Variants in UBR2 observed in about 807,000 individuals in gnomAD.
The protein encoded by UBR2 is E3 ubiquitin-protein ligase UBR2.
UBR2 carries 92 observed loss-of-function variants against 247.9 expected under a neutral mutation model. That is an observed-to-expected ratio of 0.37 (90% CI 0.31 to 0.44). The LOEUF (loss-of-function observed/expected upper bound fraction) is 0.44, where lower values mean the gene tolerates loss of function less well. Ranked by LOEUF, UBR2 falls within the 20% of genes least tolerant of loss-of-function variation. The pLI is 1.00. For missense variants in UBR2, 1,613 were observed against 2,112.6 expected, an observed-to-expected ratio of 0.76 and a Z score of 4.64; for synonymous variants, 672 against 693.5, an observed-to-expected ratio of 0.97 and a Z score of 0.49.
At position 42,687,453 on chromosome 6, in the gene UBR2, C is replaced by T. The variant is rs189116721; in HGVS notation, c.4854-763C>T. 4.2e-3 allele frequency among the ~76,000 whole-genome samples: 641 copies of T among 152,218 alleles called. 7 individuals carry two copies. Among genetic ancestry groups the T allele is most frequent in the African/African-American group, 0.015 (606 of 41,516 alleles). On this transcript the variant is annotated intron_variant, in intron 44 of 46. Coordinates refer to ENST00000372901, the MANE Select transcript of UBR2 (RefSeq NM_001363705.2). The stretch of plus-strand genomic sequence containing the variant: ...GCGGCAGTACAGTCCAGCCTCGGCT[C>T]GGCATCAGAGGGAGACTGTGCAAAG...
chr6:42,645,672 A>G (rs1011771778), intron 21 of UBR2, 82 bp downstream of exon 21: 3 of 1,412,358 alleles, frequency 2.1e-6, no homozygotes, highest in Middle Eastern at 1.8e-4. Flanking sequence ...TTACTTCTGT[A>G]TACCTTTCTC....
chr6:42,664,613 T>C (rs1387859020), intron 32 of UBR2, among the ~76,000 whole-genome samples: 2 of 152,232 alleles, frequency 1.3e-5, no homozygotes, highest in African/African-American at 4.8e-5. Flanking sequence ...TCTTAAAATA[T>C]TAGTAGATTT....
chr6:42,652,395 G>T, intron 24 of UBR2, 96 bp from the exon 25 acceptor site: 1 of 1,363,596 alleles, frequency 7.3e-7, no homozygotes, highest in South Asian at 1.4e-5. Context: ...GTGTGTTAAT[G>T]AATATTCTTT....
chr6:42,676,123 G>A lies in UBR2; in HGVS notation c.4319G>A (p.Gly1440Glu). 6.2e-7 allele frequency: 1 copy of A among 1,613,772 alleles called. No individual in the cohort carries two copies. The highest frequency in any genetic ancestry group is 8.5e-7 in the Non-Finnish European group (1 of 1,179,964). Reference protein sequence around the residue: ...QDFSGISLGTGDLHIFHLVTM... With the variant: ...QDFSGISLGTEDLHIFHLVTM... Reference sequence around the variant, plus strand: ...TTTTCAGGGATCAGCCTTGGCACTGGAGACCTTCACATTTTCCATCTGGTT... The same window carrying A: ...TTTTCAGGGATCAGCCTTGGCACTGAAGACCTTCACATTTTCCATCTGGTT... The change falls in exon 39 of 47, where the codon GGA becomes GAA. Residue 1440 changes from glycine to glutamate, a missense_variant. Gly to Glu is a moderately conservative substitution (Grantham distance 98). This residue lies in a region of UBR2 where 1,524 missense variants were observed against 1,967.3 expected (regional missense o/e 0.77). Coordinates refer to ENST00000372901, the MANE Select transcript of UBR2 (RefSeq NM_001363705.2).
Position 42,653,194 on chromosome 6 carries a change from G to A in UBR2, c.2769+549G>A, listed in dbSNP as rs367786988. 1.3e-4 allele frequency among the ~76,000 whole-genome samples: 19 copies of A among 151,864 alleles called. No homozygotes were observed. The East Asian group carries it at 2.1e-3, about 17-fold the overall frequency. On this transcript the variant is annotated intron_variant, in intron 25 of 46. Transcript: ENST00000372901. ...CTGCCTCCTGGGTTCAAGTGATCCC[G>A]CCACCTCAGTATCCCAAGTACCTGG...
intron 25 of UBR2, among the ~76,000 whole-genome samples, chr6:42,654,275 G>T (rs1176500344): frequency 1.3e-5 from 2 of 152,122 alleles, no homozygotes; most frequent in African/African-American, 4.8e-5. Context: ...ATGAACAAAA[G>T]ATTTGTGGGA....
chr6:42,624,093 A>T (rs1795174284), intron 11 of UBR2, among the ~76,000 whole-genome samples: 2 of 151,854 alleles, frequency 1.3e-5, no homozygotes, highest in Admixed American at 1.3e-4. Context: ...TTTCTGGAAA[A>T]TTTTATGTAA....
At position 42,688,063 on chromosome 6, in the gene UBR2, C is replaced by T. The variant is rs1799545725; in HGVS notation, c.4854-153C>T. 1.1e-5 allele frequency: 9 copies of T among 784,548 alleles called. No homozygotes were observed. In the South Asian group the frequency reaches 1.4e-4, roughly 12 times the overall value. 48.6% of individuals were successfully genotyped at this position (784,548 alleles called of 1,614,324 possible). A position where few individuals can be genotyped will look rare whatever the true frequency, so the allele number is the denominator to read the frequency against. On this transcript the variant is annotated intron_variant, in intron 44 of 46. Coordinates refer to ENST00000372901, the MANE Select transcript of UBR2 (RefSeq NM_001363705.2). ...TATATGTGCAAGATGTTTCCTATTC[C>T]AGATTCTAGGAATAAACTTGCATAG... is the stretch of plus-strand genomic sequence containing the variant.
intron 14 of UBR2, among the ~76,000 whole-genome samples, chr6:42,636,327 C>T (rs906504373): frequency 1.3e-5 from 2 of 151,964 alleles, no homozygotes; most frequent in African/African-American, 4.8e-5. Context: ...AACAGGCACA[C>T]ACCACCACAC....
chr6:42,614,217 TACACACACACACAC>T lies in UBR2; in HGVS notation c.986-839_986-826del, dbSNP rs576036792. Among the ~76,000 whole-genome samples, 6 of 61,860 alleles carry T rather than the reference TACACACACACACAC, an allele frequency of 9.7e-5. 1 individual carries two copies. Among genetic ancestry groups the T allele is most frequent in the Non-Finnish European group, 1.3e-4 (4 of 31,080 alleles). The allele number at this position is 61,860 out of a possible 152,430, so 40.6% of individuals were successfully genotyped here. ...AAAAAAAAAAAAAACTATATATATA[TACACACACACACAC>T]ACACACACACACACGCGCGCACATA... On this transcript the variant is annotated intron_variant, in intron 8 of 46. Transcript: ENST00000372901.
intron 30 of UBR2, among the ~76,000 whole-genome samples, chr6:42,660,691 G>A (rs992456158): frequency 1.3e-5 from 2 of 152,094 alleles, no homozygotes; most frequent in African/African-American, 2.4e-5. Context: ...GCTGGGTATG[G>A]TGGCTCATGC....
rs1794635336 is a variant in UBR2, at chr6:42,617,488, T to C, written c.1262T>C (p.Ile421Thr). 2.6e-6 allele frequency: 4 copies of C among 1,551,940 alleles called. No homozygotes were observed. The highest frequency in any genetic ancestry group is 3.5e-6 in the Non-Finnish European group (4 of 1,147,198). The stretch of plus-strand genomic sequence containing the variant: ...TCAGTCGCAGACCTCTCGGTTCAGA[T>C]ATTCACGGTTCCTTCACTTGTAAGT... ...EFSVADLSVQ[I>T]FTVPSLARML... Residue 421 changes from isoleucine (I) to threonine (T), a missense_variant, in exon 11 of 47, where the codon ATA (isoleucine) becomes ACA (threonine). Physicochemically the swap from Ile to Thr is moderately conservative, Grantham distance 89. Transcript: ENST00000372901.
At chr6:42,607,576 A>G (rs1034482291) in intron 7 of UBR2, among the ~76,000 whole-genome samples, 1 of 151,692 alleles carries the variant, frequency 6.6e-6, no homozygotes, top group Non-Finnish European at 1.5e-5. Context: ...GTTTAGTGGC[A>G]TGATCTCCAC....
At chr6:42,676,691 T>C in intron 39 of UBR2, 92 bp from the exon 40 acceptor site, 3 of 999,664 alleles carry the variant, frequency 3.0e-6, no homozygotes, top group Non-Finnish European at 4.7e-6. Flanking sequence ...TATATGTGAG[T>C]TTATGAATAT....
chr6:42,624,027 G>T (rs1367669440), intron 11 of UBR2, among the ~76,000 whole-genome samples: 2 of 152,036 alleles, frequency 1.3e-5, no homozygotes, highest in African/African-American at 2.4e-5. Context: ...GCCTTTTGGG[G>T]TTTTGGTATT....
rs562434772 is a variant in UBR2, at chr6:42,662,800, A to C, written c.3537-458A>C. ...TTATCATGAACTACCCCTAACAACT[A>C]GCCACCACATTGTAGTCCCAGCTAC... On this transcript the variant is annotated intron_variant, in intron 31 of 46. Transcript: ENST00000372901. Among the ~76,000 whole-genome samples the C allele has an allele frequency of 2.6e-5, 4 of 152,276 alleles. No homozygotes were observed. In the South Asian group the frequency reaches 8.3e-4, roughly 32 times the overall value.
At chr6:42,657,999 T>C (rs1333116044) in intron 26 of UBR2, 25 bp from the exon 27 acceptor site, 4 of 1,545,488 alleles carry the variant, frequency 2.6e-6, no homozygotes, top group African/African-American at 1.4e-5. Flanking sequence ...CTATTGTTAT[T>C]GTGCCTTTTA....
In UBR2 at chr6:42,658,151, C is replaced by G; in HGVS notation, c.2982+18C>G. 2 of 1,612,606 alleles carry G rather than the reference C, an allele frequency of 1.2e-6. No homozygotes were observed. The highest frequency in any genetic ancestry group is 2.2e-5 in the South Asian group (2 of 90,946). ...TATTGAAGGTAAAATTTCCACATTC[C>G]TCTGCTTTTTGTGAGAAATATTGAA... On this transcript the variant is annotated intron_variant, in intron 27 of 46. Transcript: ENST00000372901.
At position 42,614,236 on chromosome 6, in the gene UBR2, A is replaced by G. The variant is rs1415526905; in HGVS notation, c.986-835A>G. On this transcript the variant is annotated intron_variant, in intron 8 of 46. Transcript: ENST00000372901. ...TATATATACACACACACACACACAC[A>G]CACACACACGCGCGCACATATATAT... Among the ~76,000 whole-genome samples, 394 of 75,900 alleles carry G rather than the reference A, an allele frequency of 5.2e-3. 17 individuals carry two copies. The highest frequency in any genetic ancestry group is 0.015 in the African/African-American group (364 of 24,604). 49.8% of individuals were successfully genotyped at this position (75,900 alleles called of 152,430 possible).
Sources: gnomAD v4.1 joint callset for allele counts (sites outside exome capture counted in the v4.1 genomes callset) on GRCh38, gnomAD v4.1.1 for gene constraint, gnomAD v4.1.1 regional missense constraint, MANE v1.5 for transcripts, NCBI Gene and HGNC (gene_info 2026-07-23, HGNC 2026-07-21) for gene names.